ATRNL1: variants seen among roughly 807,000 people sequenced by gnomAD.
ATRNL1 encodes attractin like 1.
In ATRNL1, 95 loss-of-function variants were observed where a neutral mutation model predicts 182.7. The observed-to-expected ratio is 0.52, with a 90% CI of 0.44 to 0.62. The LOEUF (loss-of-function observed/expected upper bound fraction) is 0.62, where lower values mean the gene tolerates loss of function less well. Among genes scored for constraint, ATRNL1 ranks in the 20% least tolerant of loss-of-function variants. ATRNL1 has a pLI of 0.00. For missense variants in ATRNL1, 1,471 were observed against 1,679.5 expected, an observed-to-expected ratio of 0.88 and a Z score of 2.17; for synonymous variants, 576 against 568.3, an observed-to-expected ratio of 1.01 and a Z score of -0.19.
chr10:115,210,359 T>C (rs1442159575), intron 8 of ATRNL1, among the ~76,000 whole-genome samples: 1 of 151,900 alleles, frequency 6.6e-6, no homozygotes, highest in Non-Finnish European at 1.5e-5. Flanking sequence ...TGTGTGTGTG[T>C]GCCTATTTCA....
At chr10:115,437,887 C>G (rs1846477069) in intron 21 of ATRNL1, among the ~76,000 whole-genome samples, 2 of 151,940 alleles carry the variant, frequency 1.3e-5, no homozygotes, top group Non-Finnish European at 2.9e-5. Flanking sequence ...ATTCACAGAG[C>G]AGTCCTATGA....
chr10:115,502,622 T>A (rs1304638442), intron 24 of ATRNL1, among the ~76,000 whole-genome samples: 3 of 152,128 alleles, frequency 2.0e-5, no homozygotes, highest in Non-Finnish European at 2.9e-5. Flanking sequence ...CTTATAACCT[T>A]TATTAAGGAG....
At chr10:115,199,627 C>T (rs1048538698) in intron 8 of ATRNL1, among the ~76,000 whole-genome samples, 2 of 151,916 alleles carry the variant, frequency 1.3e-5, no homozygotes, top group Non-Finnish European at 2.9e-5. Context: ...ATAAAAATAT[C>T]TTGATATCTG....
rs1846358574 is a variant in ATRNL1, at chr10:115,435,421, A to G, written c.3322+9119A>G. Reference sequence around the variant, plus strand: ...CTTTGGCCTTCTGCCATGGGATGACACAGCAAGAAGGCCCTCACCAGATGC... The same window carrying G: ...CTTTGGCCTTCTGCCATGGGATGACGCAGCAAGAAGGCCCTCACCAGATGC... On this transcript the variant is annotated intron_variant, in intron 21 of 28. Transcript: ENST00000355044. Among the ~76,000 whole-genome samples, 3 of 152,214 alleles carry G rather than the reference A, an allele frequency of 2.0e-5. 1 individual carries two copies. The South Asian group carries it at 6.2e-4, about 32-fold the overall frequency.
chr10:115,693,169 T>G, intron 26 of ATRNL1, among the ~76,000 whole-genome samples: 1 of 152,250 alleles, frequency 6.6e-6, no homozygotes, highest in Middle Eastern at 3.4e-3. Context: ...TATGATTATA[T>G]ATAGTAATAG....
At chr10:115,379,434 T>C (rs1554950456) in intron 19 of ATRNL1, among the ~76,000 whole-genome samples, 2 of 152,224 alleles carry the variant, frequency 1.3e-5, no homozygotes, top group Non-Finnish European at 2.9e-5. Flanking sequence ...TAGAAATTAT[T>C]GAATTTACTG....
chr10:115,374,103 A>T (rs918322795), intron 19 of ATRNL1, among the ~76,000 whole-genome samples: 1 of 151,492 alleles, frequency 6.6e-6, no homozygotes, highest in Non-Finnish European at 1.5e-5. Context: ...GGTAGATTGT[A>T]TGTTTCTAGA....
intron 27 of ATRNL1, among the ~76,000 whole-genome samples, chr10:115,815,550 A>G (rs1950145357): frequency 6.6e-6 from 1 of 152,092 alleles, no homozygotes; most frequent in South Asian, 2.1e-4. Flanking sequence ...ACAAACATCC[A>G]AAAACACTAA....
chr10:115,879,204 G>A (rs1257918733), intron 28 of ATRNL1, among the ~76,000 whole-genome samples: 9 of 150,894 alleles, frequency 6.0e-5, no homozygotes, highest in African/African-American at 2.4e-5. Context: ...CTACTCAAGA[G>A]GCTGAAGTTA....
intron 25 of ATRNL1, among the ~76,000 whole-genome samples, chr10:115,544,717 C>T (rs1852547543): frequency 6.6e-6 from 1 of 152,112 alleles, no homozygotes; most frequent in Non-Finnish European, 1.5e-5. Context: ...AATATCCAAA[C>T]TATATCAGAA....
intron 19 of ATRNL1, among the ~76,000 whole-genome samples, chr10:115,378,573 T>A (rs1857807375): frequency 6.6e-6 from 1 of 152,142 alleles, no homozygotes; most frequent in African/African-American, 2.4e-5. Flanking sequence ...GCAGAGGAGT[T>A]AGTCTCCCAG....
At chr10:115,872,502 A>T (rs1241497967) in intron 28 of ATRNL1, among the ~76,000 whole-genome samples, 3 of 152,222 alleles carry the variant, frequency 2.0e-5, no homozygotes, top group Non-Finnish European at 4.4e-5. Flanking sequence ...ACGGACAAAA[A>T]AAGTGAGAGC....
intron 5 of ATRNL1, among the ~76,000 whole-genome samples, chr10:115,137,192 C>CA (rs1196029422): frequency 6.0e-5 from 9 of 151,152 alleles, no homozygotes; most frequent in African/African-American, 1.5e-4. Context: ...AAATCCATCT[C>CA]AAAAAAAAAT....
chr10:115,649,037 A>T (rs1266321161), intron 26 of ATRNL1, among the ~76,000 whole-genome samples: 3 of 152,124 alleles, frequency 2.0e-5, no homozygotes, highest in Admixed American at 2.0e-4. Flanking sequence ...CCATAAATCA[A>T]GGAGGTTAGA....
At chr10:115,702,588 G>A (rs901165899) in intron 26 of ATRNL1, among the ~76,000 whole-genome samples, 6 of 151,926 alleles carry the variant, frequency 3.9e-5, no homozygotes, top group South Asian at 4.1e-4. Context: ...CAACTTCAGC[G>A]AGGTTTTAGG....
rs888923807 is a variant in ATRNL1, at chr10:115,341,033, C to G, written c.3175+6614C>G. 2.0e-5 allele frequency among the ~76,000 whole-genome samples: 3 copies of G among 151,450 alleles called. No homozygotes were observed. In the East Asian group the frequency reaches 5.8e-4, roughly 29 times the overall value. ...TTTCTTCATTTCAATTTTATTATTT[C>G]TGCTTTGATCTTTCTTATTTTCTTC... is the stretch of plus-strand genomic sequence containing the variant. On this transcript the variant is annotated intron_variant, in intron 19 of 28. Transcript: ENST00000355044.
intron 26 of ATRNL1, among the ~76,000 whole-genome samples, chr10:115,667,650 A>G (rs1446572714): frequency 5.1e-5 from 7 of 136,176 alleles, no homozygotes; most frequent in Non-Finnish European, 9.6e-5. Flanking sequence ...CATCTACTGC[A>G]TCTTTTTTTT....
intron 26 of ATRNL1, among the ~76,000 whole-genome samples, chr10:115,658,718 C>T (rs1408712832): frequency 6.6e-6 from 1 of 152,112 alleles, no homozygotes; most frequent in Non-Finnish European, 1.5e-5. Flanking sequence ...AGAGTTGCCT[C>T]AAGCTGGCTG....
In ATRNL1 at chr10:115,766,465, A is replaced by T. The variant is rs145875171; in HGVS notation, c.3903+39110A>T. On this transcript the variant is annotated intron_variant, in intron 27 of 28. Coordinates refer to ENST00000355044, the MANE Select transcript of ATRNL1 (RefSeq NM_207303.4). ...ATGCAACCTTTGACTCTCACTGACAATTATGAAAATATCTCCCCACAGCCT... is the reference window on the plus strand; with the variant it reads ...ATGCAACCTTTGACTCTCACTGACATTTATGAAAATATCTCCCCACAGCCT... 7.7e-3 allele frequency among the ~76,000 whole-genome samples: 1,179 copies of T among 152,324 alleles called. 18 individuals are homozygous for T. The highest frequency in any genetic ancestry group is 0.027 in the African/African-American group (1,124 of 41,572).
Sources: gnomAD v4.1 joint callset for allele counts (sites outside exome capture counted in the v4.1 genomes callset) on GRCh38, gnomAD v4.1.1 for gene constraint, MANE v1.5 for transcripts, NCBI Gene and HGNC (gene_info 2026-07-23, HGNC 2026-07-21) for gene names.